The following RICTOR variants were observed in gnomAD, a reference collection of about 807,000 sequenced individuals.
RICTOR encodes the protein RPTOR independent companion of MTOR complex 2.
A neutral mutation model predicts 214.9 loss-of-function variants in RICTOR; 49 were observed. The ratio of observed to expected loss-of-function variants is 0.23; its 90% CI spans 0.18 to 0.29. RICTOR has a LOEUF of 0.29. RICTOR is among the 10% of genes least tolerant of loss of function. The pLI, the probability that RICTOR is intolerant of heterozygous loss-of-function variation, is 1.00. For synonymous variants in RICTOR, 717 were observed against 711.3 expected (o/e 1.01, Z -0.13); for missense variants, 1,625 against 2,047.0 (o/e 0.79, Z 3.98).
chr5:38,975,301 T>C (rs1459662963), intron 10 of RICTOR, among the ~76,000 whole-genome samples: 2 of 152,182 alleles, frequency 1.3e-5, no homozygotes, highest in East Asian at 1.9e-4. Context: ...GCACAGTGAC[T>C]GGCAAATAAT....
At chr5:39,023,966 T>A (rs2150139927) in intron 2 of RICTOR, among the ~76,000 whole-genome samples, 1 of 152,298 alleles carries the variant, frequency 6.6e-6, no homozygotes, top group East Asian at 1.9e-4. Flanking sequence ...GTCCCCAACC[T>A]TTTGGACACC....
intron 3 of RICTOR, among the ~76,000 whole-genome samples, chr5:39,013,886 C>G (rs1167259761): frequency 6.6e-6 from 1 of 151,976 alleles, no homozygotes; most frequent in Non-Finnish European, 1.5e-5. Flanking sequence ...TAAAAAATAC[C>G]TTTTTGCATA....
At chr5:38,964,309 G>C (rs1040494440) in intron 16 of RICTOR, among the ~76,000 whole-genome samples, 8 of 151,662 alleles carry the variant, frequency 5.3e-5, no homozygotes, top group Admixed American at 5.3e-4. Flanking sequence ...AATTTTGTTC[G>C]TAAATTCTAT....
chr5:38,939,183 T>C lies in RICTOR; in HGVS notation c.*3121A>G. On this transcript the variant is annotated 3_prime_UTR_variant, in exon 38 of 38. Transcript: ENST00000357387. ...CCTCTGAATGGAATAACATTTTATA[T>C]AAATAGCAGTAGGAAAATGTAAATA... 4.3e-6 allele frequency: 1 copy of C among 233,008 alleles called. No individual in the cohort carries two copies. 14.4% of individuals were successfully genotyped at this position (233,008 alleles called of 1,614,324 possible).
In RICTOR at chr5:38,966,621, T is replaced by A; in HGVS notation, c.1299+20A>T. ...AACATTAAAGGTATGAAACATATAA[T>A]CAGAAGTTGCTAAACTTACCATATG... On this transcript the variant is annotated intron_variant, in intron 15 of 37. Coordinates refer to ENST00000357387, the MANE Select transcript of RICTOR (RefSeq NM_152756.5). 8.4e-7 allele frequency: 1 copy of A among 1,184,336 alleles called. No individual in the cohort carries two copies. The highest frequency in any genetic ancestry group is 1.3e-6 in the Non-Finnish European group (1 of 799,964). 73.4% of individuals were successfully genotyped at this position (1,184,336 alleles called of 1,614,324 possible).
In RICTOR at chr5:38,953,485, T is replaced by C; in HGVS notation, c.2766A>G (p.Lys922=). The part of the protein sequence containing the change: ...PDLDKWEEIK[K]LKASLWALGN... ...CCAAGGCCCAAAGAGATGCTTTCAG[T>C]TTTTTAATTTCTTCCCACTTATCCA... Residue 922 remains lysine (K), a synonymous_variant, in exon 28 of 38, where the codon AAA becomes AAG. Coordinates refer to ENST00000357387, the MANE Select transcript of RICTOR (RefSeq NM_152756.5). 1 of 1,490,710 alleles carries C rather than the reference T, an allele frequency of 6.7e-7. No homozygotes were observed. The highest frequency in any genetic ancestry group is 2.1e-5 in the Admixed American group (1 of 47,736). The allele number at this position is 1,490,710 out of a possible 1,614,324, so 92.3% of individuals were successfully genotyped here.
intron 3 of RICTOR, among the ~76,000 whole-genome samples, chr5:39,005,656 T>C (rs1476315253): frequency 6.6e-6 from 1 of 152,218 alleles, no homozygotes; most frequent in Non-Finnish European, 1.5e-5. Context: ...GTTTTCCCTT[T>C]TGTTCTAGTC....
At position 38,999,043 on chromosome 5, in the gene RICTOR, A is replaced by C. The variant is rs6867276; in HGVS notation, c.393-2161T>G. Among the ~76,000 whole-genome samples the C allele has an allele frequency of 1.3e-3, 190 of 143,120 alleles. 2 individuals are homozygous for C. The highest frequency in any genetic ancestry group is 2.1e-3 in the Non-Finnish European group (141 of 65,904). 93.9% of individuals were successfully genotyped at this position (143,120 alleles called of 152,430 possible). On this transcript the variant is annotated intron_variant, in intron 5 of 37. Transcript: ENST00000357387. ...ACAAACAGGCAAAAAAAAAAAAAAA[A>C]AAAAAAAACAAACCTAAAATAAATA... is the stretch of plus-strand genomic sequence containing the variant.
At chr5:39,020,791 C>T (rs1580119738) in intron 3 of RICTOR, among the ~76,000 whole-genome samples, 1 of 152,266 alleles carries the variant, frequency 6.6e-6, no homozygotes, top group South Asian at 2.1e-4. Context: ...AAAGGTTGAA[C>T]TGTAAATTTC....
At chr5:39,045,563 T>G (rs1757430224) in intron 2 of RICTOR, among the ~76,000 whole-genome samples, 1 of 152,188 alleles carries the variant, frequency 6.6e-6, no homozygotes, top group Non-Finnish European at 1.5e-5. Flanking sequence ...AATCAGTTTG[T>G]CTTTGAAACA....
chr5:38,964,486 G>C (rs372515974), intron 16 of RICTOR, among the ~76,000 whole-genome samples: 457 of 151,814 alleles, frequency 3.0e-3, no homozygotes, highest in South Asian at 0.017. Flanking sequence ...AGCCAGAATT[G>C]CTGCTCATGA....
At chr5:39,011,997 G>C (rs1458842024) in intron 3 of RICTOR, among the ~76,000 whole-genome samples, 1 of 152,144 alleles carries the variant, frequency 6.6e-6, no homozygotes, top group South Asian at 2.1e-4. Context: ...ATGAGATTTG[G>C]GAGGGGCCAG....
At chr5:38,974,376 A>C (rs2150047186) in intron 10 of RICTOR, among the ~76,000 whole-genome samples, 1 of 152,242 alleles carries the variant, frequency 6.6e-6, no homozygotes, top group South Asian at 2.1e-4. Flanking sequence ...CTCCAGGGGA[A>C]ATTGAAACAC....
intron 2 of RICTOR, among the ~76,000 whole-genome samples, chr5:39,049,228 G>C (rs1042283930): frequency 1.3e-5 from 2 of 150,488 alleles, no homozygotes; most frequent in Non-Finnish European, 3.0e-5. Context: ...ACAAATATAG[G>C]GCACAACCAA....
At chr5:38,987,038 G>A (rs530723035) in intron 7 of RICTOR, among the ~76,000 whole-genome samples, 42 of 152,272 alleles carry the variant, frequency 2.8e-4, no homozygotes, top group South Asian at 1.0e-3. Context: ...ACTGATTTGC[G>A]TATGCTGAAC....
chr5:39,034,574 AG>A (rs1756521515), intron 2 of RICTOR, among the ~76,000 whole-genome samples: 1 of 152,238 alleles, frequency 6.6e-6, no homozygotes, highest in Non-Finnish European at 1.5e-5. Flanking sequence ...AGTCAAAGAA[AG>A]GGGTGACAGA....
At chr5:39,051,836 C>A (rs1436041835) in intron 2 of RICTOR, among the ~76,000 whole-genome samples, 1 of 151,894 alleles carries the variant, frequency 6.6e-6, no homozygotes, top group Non-Finnish European at 1.5e-5. Context: ...TGTATATTTT[C>A]AAAAAAGGAG....
At chr5:38,971,717 G>C (rs1561477743) in intron 11 of RICTOR, 160 bp downstream of exon 11, 1 of 528,752 alleles carries the variant, frequency 1.9e-6, no homozygotes, top group Non-Finnish European at 3.3e-6. Context: ...TTATATTTAG[G>C]GTTTAACTAA....
chr5:38,969,111 T>C (rs1051614404), intron 11 of RICTOR, among the ~76,000 whole-genome samples: 4 of 151,314 alleles, frequency 2.6e-5, no homozygotes, highest in African/African-American at 9.7e-5. Flanking sequence ...GCTGGGATTA[T>C]AGGCACCTGC....
Sources: gnomAD v4.1 joint callset for allele counts (sites outside exome capture counted in the v4.1 genomes callset) on GRCh38, gnomAD v4.1.1 for gene constraint, MANE v1.5 for transcripts, NCBI Gene and HGNC (gene_info 2026-07-23, HGNC 2026-07-21) for gene names.